Variants in NRG1 observed in about 807,000 individuals in gnomAD.
NRG1 encodes the protein pro-neuregulin-1, membrane-bound isoform.
NRG1 carries 18 observed loss-of-function variants against 63.8 expected under a neutral mutation model. The observed-to-expected ratio is 0.28, with a 90% CI of 0.19 to 0.42. The LOEUF is 0.42. Among genes scored for constraint, NRG1 ranks in the 10% least tolerant of loss-of-function variants. The pLI, the probability that NRG1 is intolerant of heterozygous loss-of-function variation, is 1.00. For synonymous variants in NRG1, 302 were observed against 301.3 expected (o/e 1.00, Z -0.02); for missense variants, 762 against 814.7 (o/e 0.94, Z 0.79).
chr8:32,033,188 G>A (rs564340999), intron 1 of NRG1, among the ~76,000 whole-genome samples: 4 of 148,680 alleles, frequency 2.7e-5, no homozygotes, highest in African/African-American at 9.9e-5. Flanking sequence ...TCCACCTCCC[G>A]GGTTTACACC....
chr8:31,922,960 A>G (rs1043950788), intron 1 of NRG1, among the ~76,000 whole-genome samples: 1 of 152,146 alleles, frequency 6.6e-6, no homozygotes, highest in African/African-American at 2.4e-5. Flanking sequence ...TGAAAGTGGA[A>G]CCTGATCTTG....
chr8:32,164,321 C>T (rs964308994), intron 1 of NRG1, among the ~76,000 whole-genome samples: 2 of 151,998 alleles, frequency 1.3e-5, no homozygotes, highest in African/African-American at 4.8e-5. Context: ...TGGAATGCTT[C>T]CTGCCAAGAA....
At chr8:31,805,399 A>G (rs1033004878) in intron 1 of NRG1, among the ~76,000 whole-genome samples, 1 of 152,160 alleles carries the variant, frequency 6.6e-6, no homozygotes, top group Non-Finnish European at 1.5e-5. Context: ...TTGTAATATT[A>G]AATTTTACCT....
chr8:32,115,597 G>A (rs1323160428), intron 1 of NRG1, among the ~76,000 whole-genome samples: 2 of 152,200 alleles, frequency 1.3e-5, no homozygotes, highest in South Asian at 2.1e-4. Context: ...CTCAAGGATG[G>A]CAAAGGCAGA....
chr8:31,784,783 C>T (rs1820023228), intron 1 of NRG1, among the ~76,000 whole-genome samples: 1 of 152,112 alleles, frequency 6.6e-6, no homozygotes, highest in Non-Finnish European at 1.5e-5. Context: ...AACTGGTTCT[C>T]CCTGGTTTGG....
intron 1 of NRG1, among the ~76,000 whole-genome samples, chr8:32,129,296 G>A (rs1834497309): frequency 6.6e-6 from 1 of 151,928 alleles, no homozygotes. Flanking sequence ...ACTTCTAGAG[G>A]GTGGGGGTCT....
chr8:32,082,068 T>G (rs1827539704), intron 1 of NRG1, among the ~76,000 whole-genome samples: 1 of 152,102 alleles, frequency 6.6e-6, no homozygotes, highest in Non-Finnish European at 1.5e-5. Context: ...GAGAGACTGA[T>G]CAACTAATTA....
At chr8:32,218,432 G>C (rs992219879) in intron 1 of NRG1, among the ~76,000 whole-genome samples, 1 of 152,074 alleles carries the variant, frequency 6.6e-6, no homozygotes, top group African/African-American at 2.4e-5. Context: ...ACCTCTTCTG[G>C]TTCTGGGGCT....
chr8:31,759,430 A>G (rs1268693572), intron 1 of NRG1, among the ~76,000 whole-genome samples: 1 of 152,014 alleles, frequency 6.6e-6, no homozygotes, highest in Non-Finnish European at 1.5e-5. Context: ...GTATAAGGTC[A>G]AGATTAATTT....
intron 1 of NRG1, among the ~76,000 whole-genome samples, chr8:31,936,409 T>C (rs1286661161): frequency 1.4e-4 from 22 of 152,198 alleles, no homozygotes. Flanking sequence ...CATTTTATAT[T>C]TCCTTGTGTA....
intron 5 of NRG1, among the ~76,000 whole-genome samples, chr8:32,678,667 T>G (rs1362381853): frequency 6.6e-6 from 1 of 152,156 alleles, no homozygotes; most frequent in Non-Finnish European, 1.5e-5. Flanking sequence ...AGCATAAGAA[T>G]AAAGGAGGTT....
chr8:32,275,984 A>G (rs1852059859), intron 1 of NRG1, among the ~76,000 whole-genome samples: 1 of 152,224 alleles, frequency 6.6e-6, no homozygotes, highest in Non-Finnish European at 1.5e-5. Flanking sequence ...GTGTGTAATG[A>G]TCAAATCAGG....
intron 1 of NRG1, among the ~76,000 whole-genome samples, chr8:32,146,076 A>T (rs1255217971): frequency 1.3e-5 from 2 of 152,366 alleles, no homozygotes; most frequent in East Asian, 3.9e-4. Context: ...TATCAAGGAC[A>T]TGTGAGCAAA....
intron 1 of NRG1, among the ~76,000 whole-genome samples, chr8:31,844,717 A>G (rs886174783): frequency 6.6e-6 from 1 of 152,172 alleles, no homozygotes; most frequent in African/African-American, 2.4e-5. Flanking sequence ...AAAAGGTTGC[A>G]GTGAAGATTA....
intron 1 of NRG1, among the ~76,000 whole-genome samples, chr8:32,578,573 A>ATT (rs34387839): frequency 2.6e-5 from 4 of 151,014 alleles, no homozygotes; most frequent in East Asian, 2.0e-4. Context: ...TTGCTGATAG[A>ATT]TTTTTTTTTC....
intron 1 of NRG1, among the ~76,000 whole-genome samples, chr8:32,312,637 G>T (rs1458722713): frequency 6.6e-6 from 1 of 152,056 alleles, no homozygotes; most frequent in African/African-American, 2.4e-5. Flanking sequence ...ATTCCCACGA[G>T]AGACCGTCTT....
chr8:32,070,360 CTG>C (rs1416638414), intron 1 of NRG1, among the ~76,000 whole-genome samples: 7 of 152,170 alleles, frequency 4.6e-5, no homozygotes, highest in Non-Finnish European at 1.0e-4. Flanking sequence ...TAACCTTGCT[CTG>C]TAAGACTGCT....
At chr8:32,659,081 T>C (rs1802190695) in intron 5 of NRG1, among the ~76,000 whole-genome samples, 1 of 152,172 alleles carries the variant, frequency 6.6e-6, no homozygotes. Context: ...AGATGTTTTA[T>C]TTGTTCACTT....
At chr8:31,720,252 A>G (rs1363424240) in intron 1 of NRG1, among the ~76,000 whole-genome samples, 2 of 152,262 alleles carry the variant, frequency 1.3e-5, no homozygotes, top group African/African-American at 2.4e-5. Flanking sequence ...GGAGTGACTG[A>G]TACATTGCAG....
Sources: allele counts gnomAD v4.1 joint callset (sites outside exome capture counted in the v4.1 genomes callset), GRCh38; gene constraint gnomAD v4.1.1; transcripts MANE v1.5; gene names NCBI Gene and HGNC (gene_info 2026-07-23, HGNC 2026-07-21).